PLEKHA6: variants seen among roughly 807,000 people sequenced by gnomAD.
PLEKHA6 encodes the protein pleckstrin homology domain-containing family A member 6.
Under a neutral mutation model 116.7 loss-of-function variants are expected in PLEKHA6, and 60 were observed. The observed-to-expected ratio is 0.51, with a 90% CI of 0.42 to 0.64. PLEKHA6 has a LOEUF of 0.64. Among genes scored for constraint, PLEKHA6 ranks in the 30% least tolerant of loss-of-function variants. The pLI is 0.00. For synonymous variants in PLEKHA6, 489 were observed against 556.1 expected (o/e 0.88, Z 1.70); for missense variants, 1,338 against 1,422.7 (o/e 0.94, Z 0.96).
At chr1:204,312,667 C>T (rs1671697405) in intron 1 of PLEKHA6, among the ~76,000 whole-genome samples, 1 of 152,094 alleles carries the variant, frequency 6.6e-6, no homozygotes, top group Non-Finnish European at 1.5e-5. Flanking sequence ...ACCTCTTTAC[C>T]CATATCCCAA....
chr1:204,335,096 A>G (rs568893470), intron 1 of PLEKHA6, among the ~76,000 whole-genome samples: 5 of 152,172 alleles, frequency 3.3e-5, no homozygotes, highest in African/African-American at 9.6e-5. Flanking sequence ...AGTTTCCACT[A>G]AAGGACTTGA....
At chr1:204,253,003 G>A (rs952004387) in intron 9 of PLEKHA6, among the ~76,000 whole-genome samples, 2 of 152,176 alleles carry the variant, frequency 1.3e-5, no homozygotes, top group African/African-American at 4.8e-5. Context: ...AGCACAGGTG[G>A]GTCTTACCTC....
At chr1:204,248,055 T>C (rs1663999406) in intron 12 of PLEKHA6, among the ~76,000 whole-genome samples, 1 of 152,158 alleles carries the variant, frequency 6.6e-6, no homozygotes, top group South Asian at 2.1e-4. Context: ...AGCCACACTT[T>C]CACGGGGCTT....
chr1:204,301,602 A>C, intron 1 of PLEKHA6: 1 of 325,426 alleles, frequency 3.1e-6, no homozygotes. Context: ...GGGATAAATG[A>C]CAGAGCTGTG....
chr1:204,228,814 C>T lies in PLEKHA6; in HGVS notation c.2799G>A (p.Leu933=), dbSNP rs1343857026. The T allele has an allele frequency of 6.2e-7, 1 of 1,614,024 alleles. No individual in the cohort carries two copies. The highest frequency in any genetic ancestry group is 8.5e-7 in the Non-Finnish European group (1 of 1,179,946). Residue 933 remains leucine, a synonymous_variant, in exon 20 of 23, where the codon CTG becomes CTA. Transcript: ENST00000272203. This position sits in a 1 kb window ranked among gnomAD's most constrained non-coding sequence, Gnocchi z 4.0. ...CAGGGCTCAGGGGAGTGTCAGGCTC[C>T]AGGTCAATGTACCGTTCAGGGATGA... ...KVLIPERYID[L]EPDTPLSPEE...
rs537708931 is a variant in PLEKHA6, at chr1:204,241,244, C to T, written c.2409+131G>A. The stretch of plus-strand genomic sequence containing the variant: ...CTCCTCCAGTGGGGCTCTTGCCCCT[C>T]CTCTCACGTGTTCCACCTTCCTCTC... On this transcript the variant is annotated intron_variant, in intron 17 of 22. Transcript: ENST00000272203. 219 of 632,204 alleles carry T rather than the reference C, an allele frequency of 3.5e-4. 2 individuals are homozygous for T. In the South Asian group the frequency reaches 4.0e-3, roughly 11 times the overall value. 39.2% of individuals were successfully genotyped at this position (632,204 alleles called of 1,614,324 possible). A position where few individuals can be genotyped will look rare whatever the true frequency, so the allele number is the denominator to read the frequency against.
rs561552739 is a variant in PLEKHA6, at chr1:204,325,783, C to T, written c.-95+33911G>A. On this transcript the variant is annotated intron_variant, in intron 1 of 22. Transcript: ENST00000272203. Reference sequence around the variant, plus strand: ...TGTGAACAAACCCAGGAGGCCTTGGCGCAAGACTCTACTCTGCCTGTCCCT... The same window carrying T: ...TGTGAACAAACCCAGGAGGCCTTGGTGCAAGACTCTACTCTGCCTGTCCCT... 554 of 395,794 alleles carry T rather than the reference C, an allele frequency of 1.4e-3. 4 individuals carry two copies. Among genetic ancestry groups the T allele is most frequent in the African/African-American group, 0.011 (525 of 46,008 alleles). 24.5% of individuals were successfully genotyped at this position (395,794 alleles called of 1,614,324 possible). A position where few individuals can be genotyped will look rare whatever the true frequency, so the allele number is the denominator to read the frequency against.
intron 3 of PLEKHA6, among the ~76,000 whole-genome samples, chr1:204,365,555 G>A (rs960410657): frequency 6.6e-6 from 1 of 152,358 alleles, no homozygotes; most frequent in South Asian, 2.1e-4. Context: ...CCGGCACAGA[G>A]AAGCAATGAC....
chr1:204,268,140 C>T, intron 4 of PLEKHA6, 68 bp downstream of exon 4: 1 of 1,007,090 alleles, frequency 9.9e-7, no homozygotes, highest in Admixed American at 2.2e-5. Flanking sequence ...GTCATAAGCA[C>T]AGAGGAATCC....
chr1:204,357,475 T>TC (rs1673446940), intron 1 of PLEKHA6, among the ~76,000 whole-genome samples: 2 of 152,362 alleles, frequency 1.3e-5, no homozygotes, highest in South Asian at 4.1e-4. Flanking sequence ...AGTCTTTTTT[T>TC]CCTCTCTGAA....
chr1:204,335,924 T>C (rs1672632372), intron 1 of PLEKHA6, among the ~76,000 whole-genome samples: 1 of 152,208 alleles, frequency 6.6e-6, no homozygotes, highest in Middle Eastern at 3.2e-3. Flanking sequence ...TTCTGCCATG[T>C]CACCTTTAAG....
intron 7 of PLEKHA6, among the ~76,000 whole-genome samples, chr1:204,260,334 C>T (rs753207231): frequency 1.3e-5 from 2 of 152,206 alleles, no homozygotes; most frequent in African/African-American, 2.4e-5. Context: ...TTCAAACTCA[C>T]AAGCACATAA....
intron 1 of PLEKHA6, among the ~76,000 whole-genome samples, chr1:204,347,975 C>A (rs557984951): frequency 6.6e-6 from 1 of 152,248 alleles, no homozygotes; most frequent in East Asian, 1.9e-4. Context: ...TATCAGAAAC[C>A]CACCATCTCC....
chr1:204,351,209 G>A (rs541419279), intron 1 of PLEKHA6, among the ~76,000 whole-genome samples: 42 of 152,332 alleles, frequency 2.8e-4, no homozygotes, highest in Middle Eastern at 3.4e-3. Flanking sequence ...GTGGCGGGGG[G>A]GAGGTGGCCT....
upstream of PLEKHA6, chr1:204,377,938 G>A (rs1673901415): frequency 1.3e-5 from 2 of 152,458 alleles, no homozygotes; most frequent in South Asian, 2.1e-4. Flanking sequence ...CCTCCTCGTC[G>A]ACTCGGGAGC....
intron 12 of PLEKHA6, 135 bp from the exon 13 acceptor site, chr1:204,247,595 A>AG: frequency 1.7e-6 from 1 of 589,026 alleles, no homozygotes; most frequent in Non-Finnish European, 3.1e-6. Flanking sequence ...ACCGAAGGAG[A>AG]GGGGCACCAG....
chr1:204,374,007 G>T (rs1302542649), intron 1 of PLEKHA6, among the ~76,000 whole-genome samples: 1 of 152,026 alleles, frequency 6.6e-6, no homozygotes, highest in Non-Finnish European at 1.5e-5. Flanking sequence ...AGATTTTTCA[G>T]CCCCTGACTC....
chr1:204,366,181 T>C (rs1282296020), intron 3 of PLEKHA6, among the ~76,000 whole-genome samples: 1 of 152,204 alleles, frequency 6.6e-6, no homozygotes. Context: ...TCTAGAGCCA[T>C]GTACCAAAAG....
chr1:204,242,137 G>T (rs1336841913), intron 15 of PLEKHA6, among the ~76,000 whole-genome samples: 2 of 152,166 alleles, frequency 1.3e-5, no homozygotes, highest in Non-Finnish European at 2.9e-5. Context: ...AATGGCCGGT[G>T]GGGGGTCTCT....
Sources: gnomAD v4.1 joint callset for allele counts (sites outside exome capture counted in the v4.1 genomes callset) on GRCh38, gnomAD v4.1.1 for gene constraint, Gnocchi (gnomAD v3.1) non-coding constraint, MANE v1.5 for transcripts, NCBI Gene and HGNC (gene_info 2026-07-23, HGNC 2026-07-21) for gene names.